The following LDLRAD3 variants were observed in gnomAD, a reference collection of about 807,000 sequenced individuals.
The protein encoded by LDLRAD3 is low-density lipoprotein receptor class A domain-containing protein 3.
LDLRAD3 carries 20 observed loss-of-function variants against 29.4 expected under a neutral mutation model. The ratio of observed to expected loss-of-function variants is 0.68; its 90% CI spans 0.48 to 0.99. LDLRAD3 has a LOEUF of 0.99. Ranked by LOEUF, LDLRAD3 falls within the 50% of genes least tolerant of loss-of-function variation. The pLI, the probability that LDLRAD3 is intolerant of heterozygous loss-of-function variation, is 0.00. For synonymous variants in LDLRAD3, 157 were observed against 192.7 expected (o/e 0.81, Z 1.53); for missense variants, 420 against 454.3 (o/e 0.92, Z 0.69).
rs202215785 is a variant in LDLRAD3 at position 36,195,909 on chromosome 11, G to A, written c.455-31176G>A. Among the ~76,000 whole-genome samples the A allele has an allele frequency of 2.0e-4, 30 of 151,970 alleles. No homozygotes were observed. In the East Asian group the frequency reaches 2.7e-3, roughly 14 times the overall value. ...ATTTACTTGTGTTTAGCATCTGCAC[G>A]TAAAGAAAGGGAAGTTACCCCCTGC... On this transcript the variant is annotated intron_variant, in intron 4 of 5. Coordinates refer to ENST00000315571, the MANE Select transcript of LDLRAD3 (RefSeq NM_174902.4).
At chr11:35,962,077 TC>T (rs1000729252) in intron 1 of LDLRAD3, among the ~76,000 whole-genome samples, 3 of 152,232 alleles carry the variant, frequency 2.0e-5, no homozygotes, top group African/African-American at 7.2e-5. Context: ...TGGTGACTCC[TC>T]ATTTTCACAT....
chr11:36,211,634 ACT>A (rs988038650), intron 4 of LDLRAD3, among the ~76,000 whole-genome samples: 5 of 152,190 alleles, frequency 3.3e-5, no homozygotes, highest in African/African-American at 1.2e-4. Context: ...CAGGTTTAAC[ACT>A]GAGGCCTGCA....
intron 4 of LDLRAD3, among the ~76,000 whole-genome samples, chr11:36,148,083 C>G (rs1042639645): frequency 3.9e-5 from 6 of 152,122 alleles, no homozygotes; most frequent in Non-Finnish European, 7.4e-5. Flanking sequence ...GTTGGCCAGG[C>G]TGGTCTTGAA....
In LDLRAD3 at chr11:36,188,371, CAAAAAAAAAAAA is replaced by C. The variant is rs57049829; in HGVS notation, c.455-38697_455-38686del. Among the ~76,000 whole-genome samples, 393 of 62,058 alleles carry C rather than the reference CAAAAAAAAAAAA, an allele frequency of 6.3e-3. 3 individuals are homozygous for C. The highest frequency in any genetic ancestry group is 0.026 in the Middle Eastern group (2 of 76). The allele number at this position is 62,058 out of a possible 152,430, so 40.7% of individuals were successfully genotyped here. A position where few individuals can be genotyped will look rare whatever the true frequency, so the allele number is the denominator to read the frequency against. On this transcript the variant is annotated intron_variant, in intron 4 of 5. Transcript: ENST00000315571. Reference sequence around the variant, plus strand: ...ACAAAGAAAAGGAGAGGAAAACCAGCAAAAAAAAAAAAAAAAAAAAAAAAAAAATTGTGGAAG... The same window carrying C: ...ACAAAGAAAAGGAGAGGAAAACCAGCAAAAAAAAAAAAAAAATTGTGGAAG...
At chr11:36,139,664 C>A (rs137931888) in intron 4 of LDLRAD3, among the ~76,000 whole-genome samples, 1 of 152,150 alleles carries the variant, frequency 6.6e-6, no homozygotes, top group African/African-American at 2.4e-5. Context: ...CAAACCTGTG[C>A]GCTTCCCCAT....
intron 1 of LDLRAD3, among the ~76,000 whole-genome samples, chr11:35,965,253 A>C (rs1333397045): frequency 1.3e-5 from 2 of 152,236 alleles, no homozygotes; most frequent in Non-Finnish European, 2.9e-5. Flanking sequence ...TTTAATACAA[A>C]AATGTTGTAA....
chr11:36,105,777 T>G (rs750779681), intron 4 of LDLRAD3, among the ~76,000 whole-genome samples: 2 of 152,182 alleles, frequency 1.3e-5, no homozygotes, highest in Admixed American at 6.5e-5. Context: ...ATTTTGATCT[T>G]GGACTTCTGG....
At chr11:36,004,436 G>A (rs568321361) in intron 1 of LDLRAD3, among the ~76,000 whole-genome samples, 2 of 152,312 alleles carry the variant, frequency 1.3e-5, no homozygotes, top group Admixed American at 6.5e-5. Flanking sequence ...AGGGCACACC[G>A]ATGCAAAAGG....
chr11:36,002,819 A>G (rs1851840783), intron 1 of LDLRAD3, among the ~76,000 whole-genome samples: 1 of 152,254 alleles, frequency 6.6e-6, no homozygotes, highest in African/African-American at 2.4e-5. Flanking sequence ...GAAAAGAATT[A>G]GAGATGGACT....
At chr11:36,193,637 A>C (rs552774720) in intron 4 of LDLRAD3, among the ~76,000 whole-genome samples, 1 of 152,244 alleles carries the variant, frequency 6.6e-6, no homozygotes, top group East Asian at 1.9e-4. Flanking sequence ...CTCTCCTGTT[A>C]AGAGCACCAC....
At chr11:36,007,572 C>T (rs1029827948) in intron 1 of LDLRAD3, among the ~76,000 whole-genome samples, 2 of 152,210 alleles carry the variant, frequency 1.3e-5, no homozygotes, top group African/African-American at 2.4e-5. Flanking sequence ...GTGGAAGGAC[C>T]GGCGGCTTGG....
At chr11:36,111,232 T>G (rs182391100) in intron 4 of LDLRAD3, among the ~76,000 whole-genome samples, 99 of 152,286 alleles carry the variant, frequency 6.5e-4, no homozygotes, top group African/African-American at 2.2e-3. Context: ...TGTGTCTTAC[T>G]GAGCCCTGCT....
intron 4 of LDLRAD3, among the ~76,000 whole-genome samples, chr11:36,224,974 G>A (rs969627630): frequency 6.6e-6 from 1 of 152,176 alleles, no homozygotes; most frequent in African/African-American, 2.4e-5. Context: ...ACTAGGGCAT[G>A]TGAATAAACA....
chr11:36,157,583 C>T (rs547682859), intron 4 of LDLRAD3, among the ~76,000 whole-genome samples: 11 of 152,270 alleles, frequency 7.2e-5, no homozygotes, highest in African/African-American at 1.4e-4. Context: ...AGTTAAACTC[C>T]ACTCTGTGGA....
intron 4 of LDLRAD3, among the ~76,000 whole-genome samples, chr11:36,133,766 T>C (rs1444528227): frequency 4.0e-5 from 6 of 148,156 alleles, no homozygotes; most frequent in Non-Finnish European, 8.9e-5. Flanking sequence ...CTTGATCTCC[T>C]GACCTTGTGA....
At chr11:36,036,988 T>C (rs1852313488) in intron 2 of LDLRAD3, among the ~76,000 whole-genome samples, 1 of 152,204 alleles carries the variant, frequency 6.6e-6, no homozygotes, top group Non-Finnish European at 1.5e-5. Context: ...TGGTGTCAAA[T>C]GATCCTGCTC....
chr11:36,032,388 A>T (rs934616744), intron 1 of LDLRAD3, among the ~76,000 whole-genome samples: 1 of 152,158 alleles, frequency 6.6e-6, no homozygotes, highest in Admixed American at 6.5e-5. Flanking sequence ...GGCTTTGTAA[A>T]CTATGGCCAG....
rs748612732 is a variant in LDLRAD3, at chr11:35,976,226, C to T, written c.46+32082C>T. On this transcript the variant is annotated intron_variant, in intron 1 of 5. Coordinates refer to ENST00000315571, the MANE Select transcript of LDLRAD3 (RefSeq NM_174902.4). The stretch of plus-strand genomic sequence containing the variant: ...CTTTAAACTTGTTGTGAATGAATGG[C>T]GTCATGGTAGAATTTGAACTTGGAA... 1.1e-4 allele frequency among the ~76,000 whole-genome samples: 16 copies of T among 151,984 alleles called. 1 individual carries two copies. The highest frequency in any genetic ancestry group is 1.8e-4 in the Non-Finnish European group (12 of 68,012).
intron 4 of LDLRAD3, among the ~76,000 whole-genome samples, chr11:36,132,815 C>G (rs558895016): frequency 6.6e-6 from 1 of 152,206 alleles, no homozygotes; most frequent in African/African-American, 2.4e-5. Context: ...GTAACGTACT[C>G]ATGCGGGGCC....
Sources: gnomAD v4.1 joint callset for allele counts (sites outside exome capture counted in the v4.1 genomes callset) on GRCh38, gnomAD v4.1.1 for gene constraint, MANE v1.5 for transcripts, NCBI Gene and HGNC (gene_info 2026-07-23, HGNC 2026-07-21) for gene names.